Variants in B3GALT1 observed in about 807,000 individuals in gnomAD.
B3GALT1 encodes the protein beta-1,3-galactosyltransferase 1, also known as UDP-Gal:betaGlcNAc beta 1,3-galactosyltransferase, polypeptide 1.
Under a neutral mutation model 23.2 loss-of-function variants are expected in B3GALT1, and 10 were observed. The ratio of observed to expected loss-of-function variants is 0.43; its 90% CI spans 0.27 to 0.73. The LOEUF is 0.73. Among genes scored for constraint, B3GALT1 ranks in the 30% least tolerant of loss-of-function variants. B3GALT1 has a pLI of 0.21. For synonymous variants in B3GALT1, 156 were observed against 141.5 expected (o/e 1.10, Z -0.73); for missense variants, 299 against 405.4 (o/e 0.74, Z 2.25).
intron 4 of B3GALT1, among the ~76,000 whole-genome samples, chr2:167,861,881 G>C (rs961783710): frequency 6.6e-6 from 1 of 152,118 alleles, no homozygotes; most frequent in Admixed American, 6.5e-5. Flanking sequence ...CTGGCACCTA[G>C]TAGTATTCAG....
chr2:167,839,296 A>C (rs1479686019), intron 4 of B3GALT1, among the ~76,000 whole-genome samples: 1 of 151,652 alleles, frequency 6.6e-6, no homozygotes, highest in Non-Finnish European at 1.5e-5. Context: ...CTCAGCCCAA[A>C]ATCTCCTTAA....
intron 2 of B3GALT1, among the ~76,000 whole-genome samples, chr2:167,624,175 G>C (rs1324741813): frequency 2.6e-5 from 4 of 152,016 alleles, no homozygotes; most frequent in Non-Finnish European, 5.9e-5. Context: ...ATGTTAAAAT[G>C]ATGGGAAATA....
chr2:167,860,383 T>G (rs2105430099), intron 4 of B3GALT1, among the ~76,000 whole-genome samples: 1 of 152,318 alleles, frequency 6.6e-6, no homozygotes, highest in East Asian at 1.9e-4. Context: ...CTCTCTCGTG[T>G]GCTCTCTTTC....
At chr2:167,670,104 G>A (rs1686297506) in intron 3 of B3GALT1, among the ~76,000 whole-genome samples, 1 of 152,160 alleles carries the variant, frequency 6.6e-6, no homozygotes, top group Non-Finnish European at 1.5e-5. Context: ...TATACAGCTG[G>A]CATCCTGTGT....
intron 3 of B3GALT1, among the ~76,000 whole-genome samples, chr2:167,741,292 T>G (rs1687573498): frequency 6.6e-6 from 1 of 152,162 alleles, no homozygotes; most frequent in Non-Finnish European, 1.5e-5. Context: ...AATTGGGTGT[T>G]TGGTTACTTA....
chr2:167,626,469 G>A (rs964203659), intron 2 of B3GALT1, among the ~76,000 whole-genome samples: 1 of 151,626 alleles, frequency 6.6e-6, no homozygotes, highest in Non-Finnish European at 1.5e-5. Flanking sequence ...AAGAATTTGG[G>A]TGTCTGGATA....
chr2:167,738,023 C>T (rs1687519738), intron 3 of B3GALT1, among the ~76,000 whole-genome samples: 1 of 152,182 alleles, frequency 6.6e-6, no homozygotes, highest in Non-Finnish European at 1.5e-5. Context: ...GCTGAAGTTC[C>T]TCAGAGCCTG....
At chr2:167,386,972 G>A (rs1182160106) in intron 1 of B3GALT1, among the ~76,000 whole-genome samples, 1 of 151,368 alleles carries the variant, frequency 6.6e-6, no homozygotes, top group Admixed American at 6.6e-5. Context: ...GTTGCTTTAG[G>A]GCTCTGTGGA....
intron 3 of B3GALT1, among the ~76,000 whole-genome samples, chr2:167,801,163 G>C (rs1394228491): frequency 1.3e-5 from 2 of 152,164 alleles, no homozygotes; most frequent in African/African-American, 4.8e-5. Flanking sequence ...AAACATCCGG[G>C]CCTGAGGCCC....
intron 3 of B3GALT1, among the ~76,000 whole-genome samples, chr2:167,787,970 G>A (rs763389051): frequency 5.3e-5 from 8 of 152,128 alleles, no homozygotes; most frequent in Admixed American, 2.0e-4. Flanking sequence ...ACCAGATTAC[G>A]GTAGCCCCAT....
chr2:167,510,252 T>G (rs1699984873), intron 2 of B3GALT1, among the ~76,000 whole-genome samples: 2 of 152,164 alleles, frequency 1.3e-5, no homozygotes, highest in Admixed American at 1.3e-4. Flanking sequence ...TGGTTCAAAT[T>G]TAACATGAGA....
intron 1 of B3GALT1, among the ~76,000 whole-genome samples, chr2:167,441,012 AGATT>A (rs1256664963): frequency 2.0e-5 from 3 of 152,216 alleles, no homozygotes; most frequent in Non-Finnish European, 4.4e-5. Flanking sequence ...AATAGAGTCT[AGATT>A]GATCTGTACT....
At chr2:167,436,440 C>T (rs1391559617) in intron 1 of B3GALT1, among the ~76,000 whole-genome samples, 1 of 152,114 alleles carries the variant, frequency 6.6e-6, no homozygotes, top group Non-Finnish European at 1.5e-5. Flanking sequence ...AGGGGTCCTT[C>T]CTTAGACAAC....
In B3GALT1 at chr2:167,852,927, A is replaced by G. The variant is rs564928876; in HGVS notation, c.-229-15884A>G. Among the ~76,000 whole-genome samples, 3 of 152,334 alleles carry G rather than the reference A, an allele frequency of 2.0e-5. No individual in the cohort carries two copies. The East Asian group carries it at 5.8e-4, about 29-fold the overall frequency. On this transcript the variant is annotated intron_variant, in intron 4 of 4. Transcript: ENST00000392690. ...GCTGAGGCAAAAATGATAAAGATAG[A>G]AATAGTAATGAGAGTGACAAAAATA... is the stretch of plus-strand genomic sequence containing the variant.
At chr2:167,366,451 G>A (rs889158392) in intron 1 of B3GALT1, among the ~76,000 whole-genome samples, 1 of 152,060 alleles carries the variant, frequency 6.6e-6, no homozygotes, top group Non-Finnish European at 1.5e-5. Flanking sequence ...ATTTGTACAC[G>A]GGAAAACTGG....
At chr2:167,557,260 T>C (rs918991414) in intron 2 of B3GALT1, among the ~76,000 whole-genome samples, 1 of 152,146 alleles carries the variant, frequency 6.6e-6, no homozygotes, top group African/African-American at 2.4e-5. Flanking sequence ...CTTTTATGAA[T>C]TATAAACACT....
At chr2:167,578,204 A>G (rs1056974598) in intron 2 of B3GALT1, among the ~76,000 whole-genome samples, 2 of 151,994 alleles carry the variant, frequency 1.3e-5, no homozygotes, top group South Asian at 4.1e-4. Flanking sequence ...GGCCATTCAG[A>G]TATCACCTAG....
chr2:167,593,176 C>T (rs545195880), intron 2 of B3GALT1, among the ~76,000 whole-genome samples: 225 of 152,172 alleles, frequency 1.5e-3, no homozygotes, highest in South Asian at 3.7e-3. Flanking sequence ...TTTTAGCATT[C>T]ATCATAATAG....
At chr2:167,585,918 C>T (rs556461414) in intron 2 of B3GALT1, among the ~76,000 whole-genome samples, 9 of 152,254 alleles carry the variant, frequency 5.9e-5, no homozygotes, top group African/African-American at 1.7e-4. Context: ...CACAAAAGAA[C>T]GTATATGTAT....
Sources: gnomAD v4.1 joint callset for allele counts (sites outside exome capture counted in the v4.1 genomes callset) on GRCh38, gnomAD v4.1.1 for gene constraint, MANE v1.5 for transcripts, NCBI Gene and HGNC (gene_info 2026-07-23, HGNC 2026-07-21) for gene names.